POU6F2: variants seen among roughly 807,000 people sequenced by gnomAD.
The protein encoded by POU6F2 is POU domain, class 6, transcription factor 2.
A neutral mutation model predicts 71.3 loss-of-function variants in POU6F2; 31 were observed. The observed-to-expected ratio is 0.43, with a 90% CI of 0.33 to 0.59. The LOEUF (loss-of-function observed/expected upper bound fraction) is 0.59. POU6F2 is among the 20% of genes least tolerant of loss of function. The pLI is 0.04. For missense variants in POU6F2, 783 were observed against 856.8 expected (o/e 0.91, Z 1.07); for synonymous variants, 347 against 355.7 (o/e 0.98, Z 0.27).
chr7:39,430,073 T>C (rs1788064237), intron 6 of POU6F2, among the ~76,000 whole-genome samples: 1 of 152,180 alleles, frequency 6.6e-6, no homozygotes, highest in Non-Finnish European at 1.5e-5. Context: ...AGAGCCAGCA[T>C]AAGCGAAATA....
chr7:39,386,786 G>A (rs976290942), intron 5 of POU6F2, among the ~76,000 whole-genome samples: 2 of 152,230 alleles, frequency 1.3e-5, no homozygotes, highest in African/African-American at 4.8e-5. Context: ...CTTATCCTGT[G>A]TATAAATCCC....
At chr7:39,075,060 C>G (rs1447045658) in intron 1 of POU6F2, among the ~76,000 whole-genome samples, 1 of 152,082 alleles carries the variant, frequency 6.6e-6, no homozygotes, top group Non-Finnish European at 1.5e-5. Flanking sequence ...CACCGTGGGA[C>G]TGGGGTGTGG....
chr7:38,990,666 T>C (rs1400118987), intron 1 of POU6F2, among the ~76,000 whole-genome samples: 2 of 152,124 alleles, frequency 1.3e-5, no homozygotes, highest in Non-Finnish European at 2.9e-5. Flanking sequence ...CTTTTTCTTT[T>C]TTTGTCTGGA....
At chr7:39,305,350 CTTG>C (rs1021950070) in intron 4 of POU6F2, among the ~76,000 whole-genome samples, 6 of 152,242 alleles carry the variant, frequency 3.9e-5, no homozygotes, top group African/African-American at 1.2e-4. Flanking sequence ...CAATTCCTAT[CTTG>C]TTGTTTTCTA....
chr7:39,284,160 A>G (rs540404027), intron 4 of POU6F2, among the ~76,000 whole-genome samples: 1 of 152,218 alleles, frequency 6.6e-6, no homozygotes, highest in Non-Finnish European at 1.5e-5. Context: ...TGATGTACAC[A>G]TGATTAAGAT....
At chr7:39,099,552 G>C (rs569869489) in intron 2 of POU6F2, among the ~76,000 whole-genome samples, 1 of 152,366 alleles carries the variant, frequency 6.6e-6, no homozygotes, top group South Asian at 2.1e-4. Flanking sequence ...ATTTCAGAGA[G>C]AGAGAAACAT....
At chr7:39,288,309 T>A (rs1161732790) in intron 4 of POU6F2, among the ~76,000 whole-genome samples, 5 of 152,188 alleles carry the variant, frequency 3.3e-5, no homozygotes, top group Non-Finnish European at 7.4e-5. Flanking sequence ...CCCTCTCAGC[T>A]ATGTGACATG....
At chr7:39,158,702 C>T (rs1168388718) in intron 2 of POU6F2, among the ~76,000 whole-genome samples, 1 of 152,138 alleles carries the variant, frequency 6.6e-6, no homozygotes, top group Non-Finnish European at 1.5e-5. Flanking sequence ...TTGTTCTATT[C>T]AGGCCCCCAC....
At chr7:39,200,380 C>A (rs2128744780) in intron 2 of POU6F2, among the ~76,000 whole-genome samples, 1 of 152,310 alleles carries the variant, frequency 6.6e-6, no homozygotes, top group Admixed American at 6.5e-5. Context: ...GGGTGAAAAC[C>A]ACTTCTATAA....
intron 2 of POU6F2, among the ~76,000 whole-genome samples, chr7:39,140,599 T>G (rs894233207): frequency 6.6e-6 from 1 of 152,162 alleles, no homozygotes; most frequent in Non-Finnish European, 1.5e-5. Context: ...ATCCTTTGTG[T>G]GTGGTCAAAT....
At chr7:39,285,141 C>T (rs1408973757) in intron 4 of POU6F2, among the ~76,000 whole-genome samples, 1 of 152,210 alleles carries the variant, frequency 6.6e-6, no homozygotes. Context: ...CTTCAGACTC[C>T]TAATCAACAA....
chr7:39,173,385 T>A (rs1165672026), intron 2 of POU6F2, among the ~76,000 whole-genome samples: 1 of 152,218 alleles, frequency 6.6e-6, no homozygotes, highest in East Asian at 1.9e-4. Context: ...ATGCTTCAGT[T>A]TGTCTGTCTG....
At chr7:39,330,467 A>G (rs1003035783) in intron 4 of POU6F2, among the ~76,000 whole-genome samples, 1 of 152,148 alleles carries the variant, frequency 6.6e-6, no homozygotes, top group Non-Finnish European at 1.5e-5. Context: ...TGTTCTCGTG[A>G]AATCTTTCAT....
chr7:39,156,682 T>C (rs1032525870), intron 2 of POU6F2, among the ~76,000 whole-genome samples: 1 of 152,208 alleles, frequency 6.6e-6, no homozygotes, highest in Non-Finnish European at 1.5e-5. Flanking sequence ...ATCTTGTTTA[T>C]TTAAAGATAC....
chr7:39,293,510 C>T (rs562415601), intron 4 of POU6F2, among the ~76,000 whole-genome samples: 1 of 152,228 alleles, frequency 6.6e-6, no homozygotes, highest in African/African-American at 2.4e-5. Context: ...TTTTGTTGTC[C>T]GGCTCTTCCT....
intron 2 of POU6F2, among the ~76,000 whole-genome samples, chr7:39,195,065 C>T (rs1276972765): frequency 6.6e-6 from 1 of 152,184 alleles, no homozygotes; most frequent in Non-Finnish European, 1.5e-5. Context: ...GCGGAAGGAA[C>T]CAATTCTGGA....
intron 2 of POU6F2, among the ~76,000 whole-genome samples, chr7:39,160,950 G>A (rs1181822278): frequency 6.6e-6 from 1 of 152,258 alleles, no homozygotes; most frequent in East Asian, 1.9e-4. Context: ...AATAGATGTT[G>A]AATTGAGTTC....
intron 2 of POU6F2, among the ~76,000 whole-genome samples, chr7:39,132,853 A>C (rs1792317084): frequency 6.6e-6 from 1 of 152,154 alleles, no homozygotes; most frequent in East Asian, 1.9e-4. Flanking sequence ...TTCACTCTGG[A>C]ACACATTTTC....
chr7:39,170,814 C>T (rs1351492723), intron 2 of POU6F2, among the ~76,000 whole-genome samples: 2 of 151,964 alleles, frequency 1.3e-5, no homozygotes, highest in Admixed American at 1.3e-4. Context: ...GATCATTACA[C>T]ATTGTATACA....
Sources: allele counts gnomAD v4.1 joint callset (sites outside exome capture counted in the v4.1 genomes callset), GRCh38; gene constraint gnomAD v4.1.1; transcripts MANE v1.5; gene names NCBI Gene and HGNC (gene_info 2026-07-23, HGNC 2026-07-21).